CPQ: variants seen among roughly 807,000 people sequenced by gnomAD.
The protein encoded by CPQ is carboxypeptidase Q, also known as Ser-Met dipeptidase.
Under a neutral mutation model 45.7 loss-of-function variants are expected in CPQ, and 37 were observed. The observed-to-expected ratio is 0.81, with a 90% CI of 0.62 to 1.07. The LOEUF (loss-of-function observed/expected upper bound fraction) is 1.07, where lower values mean the gene tolerates loss of function less well. CPQ is among the 50% of genes least tolerant of loss of function. The pLI, the probability that CPQ is intolerant of heterozygous loss-of-function variation, is 0.00. For synonymous variants in CPQ, 186 were observed against 205.8 expected, an observed-to-expected ratio of 0.90 and a Z score of 0.82; for missense variants, 537 against 572.9, an observed-to-expected ratio of 0.94 and a Z score of 0.64.
chr8:96,808,984 A>G (rs972948464), intron 2 of CPQ, among the ~76,000 whole-genome samples: 4 of 152,208 alleles, frequency 2.6e-5, no homozygotes, highest in African/African-American at 7.2e-5. Context: ...AGATAAGATC[A>G]TGCACATGAA....
intron 1 of CPQ, among the ~76,000 whole-genome samples, chr8:96,746,249 G>A (rs899450289): frequency 1.3e-5 from 2 of 152,162 alleles, no homozygotes; most frequent in African/African-American, 4.8e-5. Context: ...CAATGCAAAA[G>A]CTGAGAGACT....
At chr8:96,668,101 A>G (rs929886023) in intron 1 of CPQ, among the ~76,000 whole-genome samples, 20 of 152,230 alleles carry the variant, frequency 1.3e-4, no homozygotes, top group African/African-American at 4.1e-4. Flanking sequence ...CCTTTTCCTC[A>G]TGGGGAGAAA....
intron 1 of CPQ, among the ~76,000 whole-genome samples, chr8:96,661,294 A>G (rs1815698963): frequency 6.6e-6 from 1 of 152,060 alleles, no homozygotes; most frequent in South Asian, 2.1e-4. Flanking sequence ...TGCATTCCCT[A>G]CCAGAGTGGT....
At chr8:97,097,654 G>T (rs1282374105) in intron 7 of CPQ, among the ~76,000 whole-genome samples, 1 of 152,144 alleles carries the variant, frequency 6.6e-6, no homozygotes, top group Non-Finnish European at 1.5e-5. Flanking sequence ...GGCCAGTGGG[G>T]AACAGTTTGT....
In CPQ at chr8:96,957,768, C is replaced by T. The variant is rs548940282; in HGVS notation, c.850-8167C>T. Among the ~76,000 whole-genome samples, 107 of 150,750 alleles carry T rather than the reference C, an allele frequency of 7.1e-4. No individual in the cohort carries two copies. In the South Asian group the frequency reaches 0.018, roughly 25 times the overall value. On this transcript the variant is annotated intron_variant, in intron 4 of 7. Coordinates refer to ENST00000220763, the MANE Select transcript of CPQ (RefSeq NM_016134.4). Reference sequence around the variant, plus strand: ...GAGCCAAGATCACACCTCTGCACTCCGGCCTGGGTGACTGAGTGAAACTGT... The same window carrying T: ...GAGCCAAGATCACACCTCTGCACTCTGGCCTGGGTGACTGAGTGAAACTGT...
intron 7 of CPQ, among the ~76,000 whole-genome samples, chr8:97,098,118 T>TGAGGACAAGGTCTCCTCAA (rs1811240385): frequency 6.6e-6 from 1 of 152,208 alleles, no homozygotes; most frequent in Non-Finnish European, 1.5e-5. Context: ...CCTAGTAGAT[T>TGAGGACAAGGTCTCCTCAA]GATGGAGAGA....
intron 2 of CPQ, among the ~76,000 whole-genome samples, chr8:96,825,178 G>A (rs1811363457): frequency 6.6e-6 from 1 of 151,934 alleles, no homozygotes; most frequent in Non-Finnish European, 1.5e-5. Flanking sequence ...TTATGAGTGG[G>A]CATATAACTC....
chr8:96,765,652 A>G (rs1810458588), intron 1 of CPQ, among the ~76,000 whole-genome samples: 1 of 152,212 alleles, frequency 6.6e-6, no homozygotes, highest in Non-Finnish European at 1.5e-5. Flanking sequence ...TAGTATTATA[A>G]TAGCACCATG....
intron 7 of CPQ, among the ~76,000 whole-genome samples, chr8:97,134,924 C>A (rs1443620380): frequency 6.6e-6 from 1 of 152,124 alleles, no homozygotes; most frequent in Non-Finnish European, 1.5e-5. Context: ...TTGTAATTCC[C>A]CTATTTGGGG....
intron 7 of CPQ, among the ~76,000 whole-genome samples, chr8:97,080,879 A>G (rs1466536552): frequency 6.6e-6 from 1 of 152,046 alleles, no homozygotes; most frequent in Non-Finnish European, 1.5e-5. Context: ...CGAGATATGA[A>G]GTGTGTCCTC....
intron 1 of CPQ, among the ~76,000 whole-genome samples, chr8:96,745,712 A>G (rs1211141200): frequency 6.6e-6 from 1 of 152,228 alleles, no homozygotes; most frequent in Non-Finnish European, 1.5e-5. Context: ...TTTTTACTGA[A>G]TTACATCACA....
chr8:96,862,754 C>T (rs757186153), intron 3 of CPQ, among the ~76,000 whole-genome samples: 5 of 152,008 alleles, frequency 3.3e-5, no homozygotes, highest in African/African-American at 4.8e-5. Flanking sequence ...AAAATGAAGA[C>T]CCTATTTACC....
chr8:96,885,849 G>A (rs756061707), intron 4 of CPQ, among the ~76,000 whole-genome samples: 4 of 151,996 alleles, frequency 2.6e-5, no homozygotes, highest in Admixed American at 6.5e-5. Flanking sequence ...AAAGTTAGCC[G>A]GGTGTGGTGG....
chr8:97,079,742 C>T (rs1255056119), intron 7 of CPQ, among the ~76,000 whole-genome samples: 1 of 152,042 alleles, frequency 6.6e-6, no homozygotes, highest in Non-Finnish European at 1.5e-5. Flanking sequence ...ACCTGATTAT[C>T]AGGAAATAAT....
intron 7 of CPQ, among the ~76,000 whole-genome samples, chr8:97,122,574 G>A (rs911920845): frequency 6.6e-6 from 1 of 152,188 alleles, no homozygotes; most frequent in African/African-American, 2.4e-5. Flanking sequence ...TTGCACAAAA[G>A]AGAAAAGTTT....
intron 4 of CPQ, among the ~76,000 whole-genome samples, chr8:96,963,628 TA>T (rs1487601954): frequency 2.0e-5 from 3 of 152,230 alleles, no homozygotes; most frequent in Non-Finnish European, 4.4e-5. Flanking sequence ...AACTTTGGTT[TA>T]CTTAGTACAT....
intron 6 of CPQ, among the ~76,000 whole-genome samples, chr8:97,034,632 T>C (rs933150399): frequency 1.3e-5 from 2 of 152,180 alleles, no homozygotes; most frequent in Admixed American, 6.5e-5. Context: ...TATACCCCTA[T>C]GTAATCATCC....
In CPQ at chr8:97,079,426, A is replaced by C. The variant is rs552569511; in HGVS notation, c.1255+13216A>C. 4.6e-5 allele frequency among the ~76,000 whole-genome samples: 7 copies of C among 152,334 alleles called. No individual in the cohort carries two copies. The East Asian group carries it at 1.3e-3, about 29-fold the overall frequency. ...TTACTATGTGTCAAAATTATGATAG[A>C]TGCTTTACTTATCTCATAATTTCAT... On this transcript the variant is annotated intron_variant, in intron 7 of 7. Coordinates refer to ENST00000220763, the MANE Select transcript of CPQ (RefSeq NM_016134.4).
intron 5 of CPQ, among the ~76,000 whole-genome samples, chr8:96,977,983 AT>A (rs1189134271): frequency 6.6e-6 from 1 of 151,814 alleles, no homozygotes; most frequent in Non-Finnish European, 1.5e-5. Context: ...ATAAAAAAAA[AT>A]TTTTTAAAAG....
Sources: allele counts gnomAD v4.1 joint callset (sites outside exome capture counted in the v4.1 genomes callset), GRCh38; gene constraint gnomAD v4.1.1; transcripts MANE v1.5; gene names NCBI Gene and HGNC (gene_info 2026-07-23, HGNC 2026-07-21).